Variants in RPL30 observed in about 807,000 individuals in gnomAD.
RPL30 encodes ribosomal protein L30.
For synonymous variants in RPL30, 40 were observed against 50.4 expected, an observed-to-expected ratio of 0.79 and a Z score of 0.87; for missense variants, 60 against 138.0, an observed-to-expected ratio of 0.43 and a Z score of 2.83.
At position 98,045,333 on chromosome 8, in the gene RPL30, C is replaced by A. The variant is rs765657504; in HGVS notation, c.21+14G>T. On this transcript the variant is annotated intron_variant, in intron 2 of 4. Coordinates refer to ENST00000287038, the MANE Select transcript of RPL30 (RefSeq NM_000989.4). The stretch of plus-strand genomic sequence containing the variant: ...CACGTGAATCGTCTTCCGGGCCTGG[C>A]CCGCCTCACTCACCGTCTTCTTTGC... 1.9e-6 allele frequency: 3 copies of A among 1,614,126 alleles called. No homozygotes were observed. The highest frequency in any genetic ancestry group is 3.3e-5 in the Admixed American group (2 of 60,022).
chr8:98,042,598 A>G, intron 4 of RPL30, 47 bp downstream of exon 4: 1 of 1,500,766 alleles, frequency 6.7e-7, no homozygotes, highest in Non-Finnish European at 8.9e-7. Flanking sequence ...CAGACATTAC[A>G]TTAGAAAGGC....
At chr8:98,042,850 T>C in intron 3 of RPL30, 75 bp from the exon 4 acceptor site, 4 of 1,386,458 alleles carry the variant, frequency 2.9e-6, no homozygotes, top group South Asian at 1.5e-5. Flanking sequence ...CTACTTCTTT[T>C]ACTAGTGTTA....
Position 98,045,394 on chromosome 8 carries a change from C to A in RPL30, c.-27G>T, listed in dbSNP as rs755965282. The A allele has an allele frequency of 1.2e-6, 2 of 1,614,004 alleles. No individual in the cohort carries two copies. Among genetic ancestry groups the A allele is most frequent in the Non-Finnish European group, 1.7e-6 (2 of 1,180,014 alleles). The stretch of plus-strand genomic sequence containing the variant: ...TTCCTGCCTTAGGAGCGGGACGGCC[C>A]CCAACCTAGAAGAGACAGAGAACAG... On this transcript the variant is annotated 5_prime_UTR_variant, in exon 2 of 5. Coordinates refer to ENST00000287038, the MANE Select transcript of RPL30 (RefSeq NM_000989.4).
chr8:98,043,859 T>C (rs1471277386), intron 3 of RPL30: 1 of 152,102 alleles, frequency 6.6e-6, no homozygotes, highest in Non-Finnish European at 1.5e-5. Flanking sequence ...ACACCTGTAA[T>C]CTCAGCAGTT....
intron 2 of RPL30, 126 bp downstream of exon 2, chr8:98,045,221 G>A (rs1395264963): frequency 2.6e-6 from 4 of 1,534,044 alleles, no homozygotes; most frequent in Admixed American, 1.7e-5. Flanking sequence ...GGGCCACTGG[G>A]ATTCCTTCTG....
At chr8:98,044,827 C>G in intron 3 of RPL30, 116 bp downstream of exon 3, 1 of 1,179,222 alleles carries the variant, frequency 8.5e-7, no homozygotes, top group Non-Finnish European at 1.2e-6. Context: ...CAATCGCTAC[C>G]GTAATTATCC....
chr8:98,044,786 CG>C, intron 3 of RPL30, 156 bp downstream of exon 3: 1 of 769,274 alleles, frequency 1.3e-6, no homozygotes, highest in South Asian at 1.8e-5. Context: ...GGGGGTGGGT[CG>C]GGGAGACGGG....
chr8:98,045,465 C>T lies in RPL30; in HGVS notation c.-33+43G>A, dbSNP rs569133755. 6.8e-6 allele frequency: 10 copies of T among 1,468,676 alleles called. No homozygotes were observed. In the African/African-American group the frequency reaches 9.7e-5, roughly 14 times the overall value. 91.0% of individuals were successfully genotyped at this position (1,468,676 alleles called of 1,614,324 possible). ...GAGTTACAAATGGCAACCCGCAAAG[C>T]TCCCCGCGCTGCCTAAACCTCGGTC... On this transcript the variant is annotated intron_variant, in intron 1 of 4. Coordinates refer to ENST00000287038, the MANE Select transcript of RPL30 (RefSeq NM_000989.4).
chr8:98,043,915 C>G (rs181340003), intron 3 of RPL30: 6 of 152,318 alleles, frequency 3.9e-5, no homozygotes, highest in African/African-American at 1.4e-4. Flanking sequence ...GAGTCCGAGA[C>G]CAGCCTGGCC....
chr8:98,043,720 T>C (rs1464944445), intron 3 of RPL30: 2 of 151,828 alleles, frequency 1.3e-5, no homozygotes, highest in Non-Finnish European at 2.9e-5. Flanking sequence ...AATTAGTAGA[T>C]ACTAATGGTT....
intron 1 of RPL30, 52 bp downstream of exon 1, chr8:98,045,456 C>T: frequency 6.6e-7 from 1 of 1,525,752 alleles, no homozygotes; most frequent in Non-Finnish European, 9.1e-7. Flanking sequence ...CAAATGGCAA[C>T]CCGCAAAGCT....
chr8:98,044,623 G>A, intron 3 of RPL30: 1 of 287,344 alleles, frequency 3.5e-6, no homozygotes, highest in Non-Finnish European at 6.5e-6. Flanking sequence ...GCACCTCAAA[G>A]CTAAAAGAAC....
At chr8:98,044,229 C>G (rs914720713) in intron 3 of RPL30, 2 of 152,284 alleles carry the variant, frequency 1.3e-5, no homozygotes, top group African/African-American at 4.8e-5. Flanking sequence ...AGAAGCACTA[C>G]TATAGAAGAC....
At chr8:98,044,776 G>A (rs1814445599) in intron 3 of RPL30, 167 bp downstream of exon 3, 1 of 685,996 alleles carries the variant, frequency 1.5e-6, no homozygotes, top group Non-Finnish European at 2.4e-6. Flanking sequence ...CACACGATTT[G>A]GGGGTGGGTC....
intron 3 of RPL30, chr8:98,044,384 T>C (rs1814438140): frequency 6.6e-6 from 1 of 152,522 alleles, no homozygotes; most frequent in Non-Finnish European, 1.5e-5. Flanking sequence ...ACAGAAAATT[T>C]GCTCACATAG....
Position 98,045,073 on chromosome 8 carries a change from A to T in RPL30, c.37T>A (p.Ser13Thr). The T allele has an allele frequency of 6.2e-7, 1 of 1,613,358 alleles. No individual in the cohort carries two copies. The highest frequency in any genetic ancestry group is 8.5e-7 in the Non-Finnish European group (1 of 1,179,828). The change falls in exon 3 of 5, where the codon TCG becomes ACG. Residue 13 changes from serine to threonine, a missense_variant. By Grantham distance (58) the Ser-to-Thr change is moderately conservative (BLOSUM62 1). Transcript: ENST00000287038. ...ACGAGTTGGAGCCTAGAGTTGATCG[A>T]CTCCAGCGACTTTTTCTACAAAGCA... ...AAKKTKKSLESINSRLQLVMK... is the reference protein window; with the variant it reads ...AAKKTKKSLETINSRLQLVMK...
Position 98,045,530 on chromosome 8 carries a change from C to T in RPL30, c.-55G>A, listed in dbSNP as rs1449108826. The T allele has an allele frequency of 3.0e-6, 2 of 674,176 alleles. No individual in the cohort carries two copies. The highest frequency in any genetic ancestry group is 1.7e-5 in the South Asian group (1 of 57,878). 41.8% of individuals were successfully genotyped at this position (674,176 alleles called of 1,614,324 possible). On this transcript the variant is annotated 5_prime_UTR_variant, in exon 1 of 5. Transcript: ENST00000287038. ...CACCAACAGCAGCCGCTAAGATGGC[C>T]GGGGAACGAGAAAGGAAAGACTTCC... is the stretch of plus-strand genomic sequence containing the variant.
rs1383090546 is a variant in RPL30, at chr8:98,042,747, A to G, written c.196T>C (p.Leu66=). Residue 66 remains leucine (L), a synonymous_variant, in exon 4 of 5, where the codon TTG becomes CTG. Transcript: ENST00000287038. ...RKSEIEYYAM[L]AKTGVHHYSG... is the part of the protein sequence containing the mutation. ...TAGTGATGGACACCAGTTTTAGCCAACATAGCATAGTACTCTATTTCAGAT... is the reference window on the plus strand; with the variant it reads ...TAGTGATGGACACCAGTTTTAGCCAGCATAGCATAGTACTCTATTTCAGAT... The G allele has an allele frequency of 6.3e-7, 1 of 1,593,302 alleles. No homozygotes were observed. The highest frequency in any genetic ancestry group is 8.5e-7 in the Non-Finnish European group (1 of 1,174,564).
At chr8:98,043,735 GA>G (rs2130482067) in intron 3 of RPL30, 1 of 151,842 alleles carries the variant, frequency 6.6e-6, no homozygotes, top group African/African-American at 2.4e-5. Flanking sequence ...ATGGTTTTAG[GA>G]ATCGGAAAGG....
Sources: gnomAD v4.1 joint callset for allele counts on GRCh38, gnomAD v4.1.1 for gene constraint, MANE v1.5 for transcripts, NCBI Gene and HGNC (gene_info 2026-07-23, HGNC 2026-07-21) for gene names.